GRM7: variants seen among roughly 807,000 people sequenced by gnomAD.
The protein encoded by GRM7 is metabotropic glutamate receptor 7.
Under a neutral mutation model 84.5 loss-of-function variants are expected in GRM7, and 35 were observed. The observed-to-expected ratio is 0.41, with a 90% confidence interval of 0.32 to 0.55. The LOEUF is 0.55. GRM7 is among the 20% of genes least tolerant of loss of function. The pLI is 0.19. For synonymous variants in GRM7, 487 were observed against 455.1 expected (o/e 1.07, Z -0.89); for missense variants, 1,003 against 1,194.6 (o/e 0.84, Z 2.36).
intron 4 of GRM7, among the ~76,000 whole-genome samples, chr3:7,308,938 A>C (rs938237036): frequency 1.3e-5 from 2 of 152,224 alleles, no homozygotes; most frequent in African/African-American, 4.8e-5. Context: ...AAATTTACAA[A>C]ATCAGACAAA....
chr3:6,951,432 T>C (rs1207390432), intron 1 of GRM7, among the ~76,000 whole-genome samples: 3 of 152,194 alleles, frequency 2.0e-5, no homozygotes, highest in Non-Finnish European at 2.9e-5. Flanking sequence ...TGCTATAAAT[T>C]TCCCCTTAAG....
intron 7 of GRM7, among the ~76,000 whole-genome samples, chr3:7,552,472 C>G (rs1693525046): frequency 6.6e-6 from 1 of 152,238 alleles, no homozygotes; most frequent in African/African-American, 2.4e-5. Flanking sequence ...CCACATTTCT[C>G]TTCTGCACTG....
chr3:7,378,381 A>G (rs577209664), intron 4 of GRM7, among the ~76,000 whole-genome samples: 1 of 152,336 alleles, frequency 6.6e-6, no homozygotes, highest in East Asian at 1.9e-4. Flanking sequence ...ATAATTGGAC[A>G]TCTAGATATG....
At chr3:7,361,284 A>G (rs190941795) in intron 4 of GRM7, among the ~76,000 whole-genome samples, 1 of 152,126 alleles carries the variant, frequency 6.6e-6, no homozygotes, top group Admixed American at 6.5e-5. Flanking sequence ...ATCTGTAGTC[A>G]CCTCTACCCT....
chr3:7,306,448 C>T (rs1042779952), intron 3 of GRM7, 50 bp from the exon 4 acceptor site: 2 of 1,522,466 alleles, frequency 1.3e-6, no homozygotes, highest in African/African-American at 2.7e-5. Context: ...TACACGGATT[C>T]AGCTGACGTT....
intron 1 of GRM7, among the ~76,000 whole-genome samples, chr3:7,070,270 G>A (rs974914070): frequency 6.6e-6 from 1 of 151,958 alleles, no homozygotes; most frequent in Admixed American, 6.6e-5. Flanking sequence ...ATAATTATCA[G>A]AATAACAGTT....
intron 1 of GRM7, among the ~76,000 whole-genome samples, chr3:6,876,599 ATTTTTT>A (rs34723690): frequency 8.1e-6 from 1 of 124,142 alleles, no homozygotes; most frequent in Non-Finnish European, 1.6e-5. Flanking sequence ...TTTACCACTA[ATTTTTT>A]TTTTTTTTTT....
At chr3:7,420,453 G>A (rs946387576) in intron 5 of GRM7, among the ~76,000 whole-genome samples, 3 of 151,994 alleles carry the variant, frequency 2.0e-5, no homozygotes, top group East Asian at 1.9e-4. Context: ...TTTTGAAACC[G>A]TTTTGATGAG....
chr3:7,328,560 A>G (rs1271360391), intron 4 of GRM7, among the ~76,000 whole-genome samples: 2 of 152,154 alleles, frequency 1.3e-5, no homozygotes, highest in Non-Finnish European at 2.9e-5. Context: ...TGAGTCACTA[A>G]GTCAACCTGG....
At chr3:7,583,202 C>T (rs1695344094) in intron 8 of GRM7, among the ~76,000 whole-genome samples, 1 of 152,224 alleles carries the variant, frequency 6.6e-6, no homozygotes, top group Non-Finnish European at 1.5e-5. Context: ...AGTCCCTGGT[C>T]TTGGGACCAG....
At chr3:7,153,991 G>A (rs937416923) in intron 2 of GRM7, among the ~76,000 whole-genome samples, 2 of 152,190 alleles carry the variant, frequency 1.3e-5, no homozygotes, top group African/African-American at 4.8e-5. Flanking sequence ...GTTTGTGGAT[G>A]ACATACTAGG....
At chr3:7,040,995 A>T (rs1696585412) in intron 1 of GRM7, among the ~76,000 whole-genome samples, 1 of 151,358 alleles carries the variant, frequency 6.6e-6, no homozygotes, top group South Asian at 2.1e-4. Flanking sequence ...AGGTGGGAGG[A>T]TCAGCTGTAC....
At chr3:7,203,344 A>G (rs1051938047) in intron 2 of GRM7, among the ~76,000 whole-genome samples, 59 of 152,232 alleles carry the variant, frequency 3.9e-4, no homozygotes, top group African/African-American at 1.4e-3. Flanking sequence ...TTCACTTAAC[A>G]TAATGACCTA....
chr3:7,018,906 G>A (rs557271822), intron 1 of GRM7, among the ~76,000 whole-genome samples: 2 of 152,280 alleles, frequency 1.3e-5, no homozygotes, highest in African/African-American at 4.8e-5. Context: ...AGACCAGCCT[G>A]GCCAGCATGG....
At chr3:7,492,501 G>C (rs1043255754) in intron 7 of GRM7, among the ~76,000 whole-genome samples, 2 of 151,960 alleles carry the variant, frequency 1.3e-5, no homozygotes, top group African/African-American at 4.8e-5. Flanking sequence ...TGAAGCTGTT[G>C]GTTGGTTGTT....
chr3:7,259,631 T>C (rs1698333049), intron 2 of GRM7, among the ~76,000 whole-genome samples: 1 of 152,256 alleles, frequency 6.6e-6, no homozygotes, highest in Admixed American at 6.5e-5. Context: ...ATTCTTTTTA[T>C]GGCTGCATAG....
chr3:6,962,740 A>G (rs1018823343), intron 1 of GRM7, among the ~76,000 whole-genome samples: 1 of 152,236 alleles, frequency 6.6e-6, no homozygotes, highest in East Asian at 1.9e-4. Flanking sequence ...GCTCTTAACT[A>G]CAATGCTACA....
chr3:7,653,866 G>A (rs60226387), intron 8 of GRM7, among the ~76,000 whole-genome samples: 1,898 of 152,246 alleles, frequency 0.012, 50 homozygotes, highest in African/African-American at 0.044. Context: ...TTTTACAGAT[G>A]TAGAAAGAAA....
chr3:7,083,579 C>G (rs757884967), intron 1 of GRM7, among the ~76,000 whole-genome samples: 1 of 152,104 alleles, frequency 6.6e-6, no homozygotes, highest in Admixed American at 6.6e-5. Context: ...ATTCATCACT[C>G]TTTCTGTAGG....
Sources: gnomAD v4.1 joint callset for allele counts (sites outside exome capture counted in the v4.1 genomes callset) on GRCh38, gnomAD v4.1.1 for gene constraint, MANE v1.5 for transcripts, NCBI Gene and HGNC (gene_info 2026-07-23, HGNC 2026-07-21) for gene names.